The following CAMK1D variants were observed in gnomAD, a reference collection of about 807,000 sequenced individuals.
The protein encoded by CAMK1D is calcium/calmodulin dependent protein kinase ID.
Under a neutral mutation model 47.7 loss-of-function variants are expected in CAMK1D, and 9 were observed. The ratio of observed to expected loss-of-function variants is 0.19; its 90% CI spans 0.11 to 0.33. The LOEUF is 0.33. CAMK1D is among the 10% of genes least tolerant of loss of function. CAMK1D has a pLI of 1.00. For missense variants in CAMK1D, 291 were observed against 488.7 expected (o/e 0.60, Z 3.81); for synonymous variants, 184 against 184.9 (o/e 0.99, Z 0.04).
At chr10:12,511,510 C>T (rs1835038713) in intron 1 of CAMK1D, among the ~76,000 whole-genome samples, 2 of 152,132 alleles carry the variant, frequency 1.3e-5, no homozygotes, top group Admixed American at 6.6e-5. Context: ...ACCTGGGAGG[C>T]TAAGGCAGAA....
intron 6 of CAMK1D, among the ~76,000 whole-genome samples, chr10:12,810,136 G>A (rs1471417203): frequency 1.8e-5 from 2 of 112,978 alleles, no homozygotes; most frequent in African/African-American, 7.3e-5. Context: ...GTGACAGAGA[G>A]AGACCCTGTC....
chr10:12,746,363 C>CAAAAAAAAAA (rs542434085), intron 3 of CAMK1D, among the ~76,000 whole-genome samples: 2 of 86,834 alleles, frequency 2.3e-5, no homozygotes, highest in South Asian at 3.3e-4. Flanking sequence ...GACTCCGTCT[C>CAAAAAAAAAA]AAAAAAAAAA....
chr10:12,540,271 C>A (rs1588611589), intron 1 of CAMK1D, among the ~76,000 whole-genome samples: 1 of 151,920 alleles, frequency 6.6e-6, no homozygotes, highest in East Asian at 1.9e-4. Context: ...ACCAGGCTTC[C>A]ATGGATGCTC....
intron 3 of CAMK1D, among the ~76,000 whole-genome samples, chr10:12,712,910 G>T (rs557546443): frequency 1.3e-5 from 2 of 152,272 alleles, no homozygotes; most frequent in South Asian, 4.1e-4. Flanking sequence ...CAGCTTCATT[G>T]TCAGTTCCAT....
chr10:12,594,523 G>C (rs1838087819), intron 2 of CAMK1D, among the ~76,000 whole-genome samples: 2 of 152,184 alleles, frequency 1.3e-5, no homozygotes, highest in Non-Finnish European at 2.9e-5. Context: ...CCAAGAGTCA[G>C]ACAGAATGTG....
At chr10:12,567,716 A>T (rs938513842) in intron 2 of CAMK1D, among the ~76,000 whole-genome samples, 1 of 152,260 alleles carries the variant, frequency 6.6e-6, no homozygotes, top group African/African-American at 2.4e-5. Context: ...CTGCCTGTGA[A>T]CGTGTGGTTT....
intron 1 of CAMK1D, among the ~76,000 whole-genome samples, chr10:12,466,539 C>T (rs976879888): frequency 2.2e-4 from 33 of 151,228 alleles, no homozygotes; most frequent in African/African-American, 8.0e-4. Flanking sequence ...GAACTATGAT[C>T]ACACCACTAC....
rs77701638 is a variant in CAMK1D, at chr10:12,714,984, T to C, written c.300-45964T>C. 4.8e-3 allele frequency among the ~76,000 whole-genome samples: 726 copies of C among 152,270 alleles called. 3 individuals are homozygous for C. The highest frequency in any genetic ancestry group is 7.5e-3 in the Non-Finnish European group (511 of 68,016). On this transcript the variant is annotated intron_variant, in intron 3 of 10. Coordinates refer to ENST00000619168, the MANE Select transcript of CAMK1D (RefSeq NM_153498.4). ...ACCTCAAGTCCTCTCTTCTAGCTAT[T>C]TTGGAATATACAGTGCAGTATTGTT...
intron 1 of CAMK1D, among the ~76,000 whole-genome samples, chr10:12,499,467 G>A (rs542713758): frequency 2.0e-5 from 3 of 152,212 alleles, no homozygotes; most frequent in African/African-American, 7.2e-5. Context: ...TGTCAGAACC[G>A]AAGGCAGAAA....
intron 1 of CAMK1D, among the ~76,000 whole-genome samples, chr10:12,529,594 A>G (rs1835738763): frequency 6.6e-6 from 1 of 152,194 alleles, no homozygotes; most frequent in South Asian, 2.1e-4. Flanking sequence ...GCTGGTGCTC[A>G]TGAGCGTTTA....
At chr10:12,593,562 C>T (rs1225898678) in intron 2 of CAMK1D, among the ~76,000 whole-genome samples, 4 of 152,044 alleles carry the variant, frequency 2.6e-5, no homozygotes, top group Non-Finnish European at 5.9e-5. Context: ...TGCACTCCAG[C>T]CTGGGCAACA....
At chr10:12,675,278 G>A (rs1840768760) in intron 3 of CAMK1D, among the ~76,000 whole-genome samples, 1 of 152,068 alleles carries the variant, frequency 6.6e-6, no homozygotes. Flanking sequence ...TGTATCTCCA[G>A]CCTGGAGCCC....
Position 12,519,139 on chromosome 10 carries a change from G to A in CAMK1D, c.93-34086G>A, listed in dbSNP as rs1467165807. Among the ~76,000 whole-genome samples the A allele has an allele frequency of 4.5e-5, 4 of 88,882 alleles. 1 individual carries two copies. Among genetic ancestry groups the A allele is most frequent in the African/African-American group, 8.7e-5 (2 of 22,858 alleles). 58.3% of individuals were successfully genotyped at this position (88,882 alleles called of 152,430 possible). On this transcript the variant is annotated intron_variant, in intron 1 of 10. Transcript: ENST00000619168. ...GGGCTGACCCCCCCACCACCCTCCC[G>A]GACAGGGCGGCTGGCCAGACAGAGG...
intron 2 of CAMK1D, among the ~76,000 whole-genome samples, chr10:12,642,839 A>G (rs559331567): frequency 1.3e-5 from 2 of 152,332 alleles, no homozygotes; most frequent in South Asian, 4.1e-4. Context: ...AAGAAAACCT[A>G]AGAGTTTTTC....
chr10:12,420,791 T>C (rs1288812401), intron 1 of CAMK1D, among the ~76,000 whole-genome samples: 2 of 152,148 alleles, frequency 1.3e-5, no homozygotes, highest in African/African-American at 4.8e-5. Flanking sequence ...AAATGTTCGA[T>C]GTGTTTTCTT....
intron 2 of CAMK1D, among the ~76,000 whole-genome samples, chr10:12,634,593 G>A (rs1839462867): frequency 6.6e-6 from 1 of 152,214 alleles, no homozygotes; most frequent in African/African-American, 2.4e-5. Flanking sequence ...ATTTTCTGCT[G>A]TCAGATGCCA....
At chr10:12,617,159 A>G (rs146422652) in intron 2 of CAMK1D, among the ~76,000 whole-genome samples, 3 of 152,288 alleles carry the variant, frequency 2.0e-5, no homozygotes, top group African/African-American at 7.2e-5. Flanking sequence ...TTAGTTGCAA[A>G]AACATTTAAG....
At chr10:12,499,545 A>T (rs1315211632) in intron 1 of CAMK1D, among the ~76,000 whole-genome samples, 1 of 152,202 alleles carries the variant, frequency 6.6e-6, no homozygotes, top group Non-Finnish European at 1.5e-5. Flanking sequence ...AATCCCTTCC[A>T]AGGAGGCTCA....
chr10:12,602,970 G>C (rs1022892377), intron 2 of CAMK1D, among the ~76,000 whole-genome samples: 1 of 147,518 alleles, frequency 6.8e-6, no homozygotes, highest in Admixed American at 6.9e-5. Context: ...GAGTATAGTG[G>C]TGCGATCTTG....
Sources: gnomAD v4.1 joint callset for allele counts (sites outside exome capture counted in the v4.1 genomes callset) on GRCh38, gnomAD v4.1.1 for gene constraint, MANE v1.5 for transcripts, NCBI Gene and HGNC (gene_info 2026-07-23, HGNC 2026-07-21) for gene names.